Variants in CDH4 observed in about 807,000 individuals in gnomAD.
CDH4 encodes the protein cadherin-4.
CDH4 carries 33 observed loss-of-function variants against 86.0 expected under a neutral mutation model. The observed-to-expected ratio is 0.38, with a 90% CI of 0.29 to 0.51. CDH4 has a LOEUF of 0.51. Among genes scored for constraint, CDH4 ranks in the 20% least tolerant of loss-of-function variants. The probability of loss-of-function intolerance (pLI) is 0.86; values close to 1 mark genes in which losing one functional copy is unlikely to be tolerated. For missense variants in CDH4, 1,114 were observed against 1,307.4 expected (o/e 0.85, Z 2.28); for synonymous variants, 555 against 549.4 (o/e 1.01, Z -0.14).
intron 4 of CDH4, among the ~76,000 whole-genome samples, chr20:61,787,112 ATCCATCCATCCG>A (rs1349905754): frequency 7.7e-6 from 1 of 129,702 alleles, no homozygotes; most frequent in Non-Finnish European, 1.8e-5. Flanking sequence ...CCATCCATCC[ATCCATCCATCCG>A]TCTGTCCGTC....
Position 61,383,368 on chromosome 20 carries a change from AAT to A in CDH4, c.169+128438_169+128439del, listed in dbSNP as rs1568822572. Among the ~76,000 whole-genome samples the A allele has an allele frequency of 2.5e-5, 2 of 80,486 alleles. 1 individual carries two copies. The highest frequency in any genetic ancestry group is 1.1e-4 in the African/African-American group (2 of 17,836). 52.8% of individuals were successfully genotyped at this position (80,486 alleles called of 152,430 possible). On this transcript the variant is annotated intron_variant, in intron 2 of 15. Coordinates refer to ENST00000614565, the MANE Select transcript of CDH4 (RefSeq NM_001794.5). ...ATATGAATATATATGGATATATATG[AAT>A]ATATATGGATATATATGAATATATG...
intron 2 of CDH4, chr20:61,738,384 G>A (rs2088291491): frequency 6.6e-6 from 1 of 152,078 alleles, no homozygotes; most frequent in African/African-American, 2.4e-5. Context: ...CTCCTCCCCA[G>A]GAGGATTTCC....
At chr20:61,414,380 C>T (rs1303618046) in intron 2 of CDH4, among the ~76,000 whole-genome samples, 1 of 152,172 alleles carries the variant, frequency 6.6e-6, no homozygotes, top group Non-Finnish European at 1.5e-5. Flanking sequence ...GCCACTGAGT[C>T]CTCTGCTGCT....
chr20:61,884,573 C>T (rs912070727), intron 7 of CDH4, among the ~76,000 whole-genome samples: 10 of 152,090 alleles, frequency 6.6e-5, no homozygotes, highest in Non-Finnish European at 1.0e-4. Flanking sequence ...AGCCTGGGGG[C>T]ACCCAGCGAG....
intron 2 of CDH4, among the ~76,000 whole-genome samples, chr20:61,630,832 C>T (rs1448652971): frequency 6.6e-6 from 1 of 152,208 alleles, no homozygotes; most frequent in Non-Finnish European, 1.5e-5. Context: ...CCAAACCCGT[C>T]CAGAGCCCTT....
chr20:61,386,134 T>C (rs2084949675), intron 2 of CDH4, among the ~76,000 whole-genome samples: 1 of 152,172 alleles, frequency 6.6e-6, no homozygotes, highest in Admixed American at 6.5e-5. Context: ...AGTTGACCCC[T>C]GTCTCATTGT....
chr20:61,625,589 A>G (rs143480384), intron 2 of CDH4, among the ~76,000 whole-genome samples: 74 of 152,362 alleles, frequency 4.9e-4, no homozygotes, highest in African/African-American at 1.7e-3. Context: ...CAAAGCAGCG[A>G]AAACAACATG....
chr20:61,359,214 CTTAAACCT>C (rs2084770301), intron 2 of CDH4, among the ~76,000 whole-genome samples: 2 of 152,194 alleles, frequency 1.3e-5, no homozygotes, highest in Non-Finnish European at 2.9e-5. Flanking sequence ...GAAAGCCCCT[CTTAAACCT>C]GGCGAGGTAT....
chr20:61,443,220 G>A (rs530419316), intron 2 of CDH4, among the ~76,000 whole-genome samples: 5 of 152,322 alleles, frequency 3.3e-5, no homozygotes, highest in South Asian at 2.1e-4. Flanking sequence ...CTTATTTGTC[G>A]CAGAGTGGTT....
At chr20:61,467,457 T>C (rs962724079) in intron 2 of CDH4, among the ~76,000 whole-genome samples, 14 of 152,198 alleles carry the variant, frequency 9.2e-5, no homozygotes, top group African/African-American at 2.7e-4. Flanking sequence ...TGATAAGTAA[T>C]AGAATATTTT....
At chr20:61,835,835 G>A (rs933514514) in intron 4 of CDH4, among the ~76,000 whole-genome samples, 3 of 152,164 alleles carry the variant, frequency 2.0e-5, no homozygotes, top group African/African-American at 7.2e-5. Flanking sequence ...CAGTCAGGTC[G>A]CCCTCTGGTC....
intron 1 of CDH4, among the ~76,000 whole-genome samples, chr20:61,254,010 C>G (rs574604344): frequency 6.6e-6 from 1 of 152,350 alleles, no homozygotes; most frequent in East Asian, 1.9e-4. Flanking sequence ...GTCACGCCCC[C>G]TCCCAGAAGC....
chr20:61,576,580 G>A (rs373555049), intron 2 of CDH4, among the ~76,000 whole-genome samples: 9 of 152,030 alleles, frequency 5.9e-5, no homozygotes, highest in Non-Finnish European at 8.8e-5. Context: ...ATCACTAATC[G>A]ATCCCACTCT....
chr20:61,809,283 C>T (rs1363235900), intron 4 of CDH4, among the ~76,000 whole-genome samples: 1 of 151,952 alleles, frequency 6.6e-6, no homozygotes, highest in East Asian at 1.9e-4. Flanking sequence ...TGATGTGGTC[C>T]CGGGGATGGT....
chr20:61,613,204 A>G (rs2086698856), intron 2 of CDH4, among the ~76,000 whole-genome samples: 1 of 152,008 alleles, frequency 6.6e-6, no homozygotes, highest in Admixed American at 6.5e-5. Flanking sequence ...TGTCCCCTTG[A>G]CAGCCCCTAG....
intron 2 of CDH4, among the ~76,000 whole-genome samples, chr20:61,569,764 TCTCTTTAGTCTGA>T (rs2086328374): frequency 6.6e-6 from 1 of 152,184 alleles, no homozygotes; most frequent in African/African-American, 2.4e-5. Flanking sequence ...CGCCCTTTCA[TCTCTTTAGTCTGA>T]AAGATTCCTG....
intron 2 of CDH4, among the ~76,000 whole-genome samples, chr20:61,589,534 T>A (rs1273684119): frequency 6.6e-6 from 1 of 152,180 alleles, no homozygotes; most frequent in Non-Finnish European, 1.5e-5. Context: ...ACAAGTGGCA[T>A]GCAGAAAAAC....
At chr20:61,552,822 A>T (rs1178899537) in intron 2 of CDH4, among the ~76,000 whole-genome samples, 2 of 152,142 alleles carry the variant, frequency 1.3e-5, no homozygotes, top group Admixed American at 1.3e-4. Flanking sequence ...TGGAACCCTC[A>T]TGCATTACTG....
At chr20:61,600,035 T>C (rs1218999882) in intron 2 of CDH4, 1 of 822,746 alleles carries the variant, frequency 1.2e-6, no homozygotes, top group Non-Finnish European at 1.5e-6. Context: ...TTTATTATAA[T>C]TTAAGAGCCT....
Sources: allele counts gnomAD v4.1 joint callset (sites outside exome capture counted in the v4.1 genomes callset), GRCh38; gene constraint gnomAD v4.1.1; transcripts MANE v1.5; gene names NCBI Gene and HGNC (gene_info 2026-07-23, HGNC 2026-07-21).